ZNF85: variants seen among roughly 807,000 people sequenced by gnomAD.
ZNF85 encodes the protein zinc finger protein 85.
A neutral mutation model predicts 53.9 loss-of-function variants in ZNF85; 50 were observed. The ratio of observed to expected loss-of-function variants is 0.93; its 90% confidence interval spans 0.74 to 1.17. The LOEUF is 1.17. ZNF85 is among the 50% of genes most tolerant of loss of function. The pLI, the probability that ZNF85 is intolerant of heterozygous loss-of-function variation, is 0.00. For synonymous variants in ZNF85, 225 were observed against 226.1 expected (o/e 1.00, Z 0.04); for missense variants, 747 against 688.5 (o/e 1.08, Z -0.95).
In ZNF85 at chr19:20,948,652, A is replaced by G. The variant is rs988033594; in HGVS notation, c.230-92A>G. ...GTATTTTGCTGTGCCATCTTACTTA[A>G]TGTAGTTTGTTTAATTTTATATATT... is the stretch of plus-strand genomic sequence containing the variant. On this transcript the variant is annotated intron_variant, in intron 3 of 3. Coordinates refer to ENST00000328178, the MANE Select transcript of ZNF85 (RefSeq NM_003429.5). The G allele has an allele frequency of 9.3e-6, 9 of 970,518 alleles. No homozygotes were observed. The African/African-American group carries it at 1.5e-4, about 16-fold the overall frequency. The allele number at this position is 970,518 out of a possible 1,614,324, so 60.1% of individuals were successfully genotyped here.
rs571163632 is a variant in ZNF85 at position 20,934,260 on chromosome 19, C to T, written c.130+110C>T. Reference sequence around the variant, plus strand: ...TGCTTTGCATAAATTAGTTTCAGATCCCTGTTTTCAAGAAAATCTTGGGGA... The same window carrying T: ...TGCTTTGCATAAATTAGTTTCAGATTCCTGTTTTCAAGAAAATCTTGGGGA... On this transcript the variant is annotated intron_variant, in intron 2 of 3. Transcript: ENST00000328178. The T allele has an allele frequency of 1.4e-4, 194 of 1,395,172 alleles. 2 individuals are homozygous for T. The South Asian group carries it at 2.5e-3, about 18-fold the overall frequency. 86.4% of individuals were successfully genotyped at this position (1,395,172 alleles called of 1,614,324 possible).
intron 3 of ZNF85, among the ~76,000 whole-genome samples, chr19:20,939,724 C>A (rs1430600011): frequency 6.6e-6 from 1 of 151,986 alleles, no homozygotes; most frequent in Non-Finnish European, 1.5e-5. Context: ...GTGTGCTTAT[C>A]TATAAATATG....
chr19:20,944,152 T>TAG (rs142844272), intron 3 of ZNF85: 35 of 159,218 alleles, frequency 2.2e-4, no homozygotes, highest in African/African-American at 7.9e-4. Flanking sequence ...ATATATTTAA[T>TAG]AGTTTTTTAT....
rs754566671 is a variant in ZNF85, at chr19:20,949,341, A to G, written c.827A>G (p.His276Arg). Residue 276 changes from histidine to arginine, a missense_variant, in exon 4 of 4, where the codon CAT (histidine) becomes CGT (arginine). His to Arg is a conservative substitution (Grantham distance 29, BLOSUM62 0). Transcript: ENST00000328178. Reference protein sequence around the residue: ...TFNRFSTLTTHKIIHTGEKPY... With the variant: ...TFNRFSTLTTRKIIHTGEKPY... ...AACCGATTCTCAACTCTTACTACCC[A>G]TAAGATAATTCATACTGGAGAGAAA... 6 of 1,609,162 alleles carry G rather than the reference A, an allele frequency of 3.7e-6. No homozygotes were observed. The highest frequency in any genetic ancestry group is 1.1e-5 in the South Asian group (1 of 90,656).
At chr19:20,943,651 T>C (rs1022598855) in intron 3 of ZNF85, 1 of 152,344 alleles carries the variant, frequency 6.6e-6, no homozygotes, top group Admixed American at 6.5e-5. Flanking sequence ...TTCTTATTGA[T>C]CTTTTGTCTG....
intron 3 of ZNF85, among the ~76,000 whole-genome samples, chr19:20,940,080 A>G (rs1356798827): frequency 1.1e-4 from 17 of 151,236 alleles, no homozygotes. Flanking sequence ...GCGTTTAATA[A>G]TGAATATCTA....
At position 20,923,339 on chromosome 19, in the gene ZNF85, T is replaced by C. The variant is rs1972800043; in HGVS notation, c.-62T>C. 4 of 1,612,880 alleles carry C rather than the reference T, an allele frequency of 2.5e-6. No homozygotes were observed. Among genetic ancestry groups the C allele is most frequent in the Non-Finnish European group, 3.4e-6 (4 of 1,179,210 alleles). ...CGTGGACGCCCAGCCTCTGTGGCCC[T>C]GTGGCCTGCAGGTATTGGGAGATCC... On this transcript the variant is annotated 5_prime_UTR_variant, in exon 1 of 4. Coordinates refer to ENST00000328178, the MANE Select transcript of ZNF85 (RefSeq NM_003429.5).
At chr19:20,924,683 T>C (rs11085403) in intron 1 of ZNF85, among the ~76,000 whole-genome samples, 18,396 of 152,256 alleles carry the variant, frequency 0.12, 1,287 homozygotes, top group Middle Eastern at 0.17. Flanking sequence ...TTATTGTACA[T>C]TTTATATTTC....
chr19:20,948,783 A>G lies in ZNF85; in HGVS notation c.269A>G (p.Gln90Arg), dbSNP rs1973483392. 1 of 1,599,172 alleles carries G rather than the reference A, an allele frequency of 6.3e-7. No homozygotes were observed. Among genetic ancestry groups the G allele is most frequent in the African/African-American group, 1.3e-5 (1 of 74,286 alleles). The change falls in exon 4 of 4, where the codon CAG becomes CGG. Residue 90 changes from glutamine to arginine, a missense_variant. Coordinates refer to ENST00000328178, the MANE Select transcript of ZNF85 (RefSeq NM_003429.5). ...SHFAQDLWPE[Q>R]NIKDSFQKVT... is the part of the protein sequence containing the mutation. ...TTTGCCCAAGACCTTTGGCCGGAGC[A>G]GAATATAAAAGATTCTTTCCAAAAA...
intron 3 of ZNF85, 53 bp from the exon 4 acceptor site, chr19:20,948,691 A>G (rs1459435876): frequency 1.5e-6 from 2 of 1,321,108 alleles, no homozygotes; most frequent in Admixed American, 4.7e-5. Flanking sequence ...TTTGTAAACT[A>G]TCTTCATCTA....
intron 1 of ZNF85, among the ~76,000 whole-genome samples, chr19:20,933,033 A>C (rs1973062014): frequency 6.6e-6 from 1 of 151,422 alleles, no homozygotes; most frequent in Non-Finnish European, 1.5e-5. Context: ...AAAATACAAA[A>C]AAAAAAAAAA....
intron 3 of ZNF85, chr19:20,942,710 T>C (rs1322768345): frequency 1.6e-6 from 1 of 608,378 alleles, no homozygotes; most frequent in Non-Finnish European, 3.0e-6. Flanking sequence ...TAATTCCTAG[T>C]TGCATTCAGT....
intron 3 of ZNF85, among the ~76,000 whole-genome samples, chr19:20,935,318 C>A (rs774149287): frequency 6.6e-6 from 1 of 152,164 alleles, no homozygotes; most frequent in Non-Finnish European, 1.5e-5. Flanking sequence ...TAAGAGACTG[C>A]GCAGTCTGGC....
chr19:20,938,925 C>T (rs1973229039), intron 3 of ZNF85, among the ~76,000 whole-genome samples: 3 of 151,386 alleles, frequency 2.0e-5, no homozygotes, highest in South Asian at 4.2e-4. Context: ...CAGTTTAAGG[C>T]TATTTGCTTC....
chr19:20,947,091 C>G (rs1201782405), intron 3 of ZNF85, among the ~76,000 whole-genome samples: 2 of 151,628 alleles, frequency 1.3e-5, no homozygotes, highest in East Asian at 3.9e-4. Context: ...TTTTATATCT[C>G]TATACAGATT....
At chr19:20,942,332 C>T (rs535145716) in intron 3 of ZNF85, among the ~76,000 whole-genome samples, 5 of 151,908 alleles carry the variant, frequency 3.3e-5, no homozygotes, top group South Asian at 4.2e-4. Flanking sequence ...TTGGTAGAGA[C>T]GGGGTTTCAG....
At position 20,944,813 on chromosome 19, in the gene ZNF85, G is replaced by A. The variant is rs150754498; in HGVS notation, c.230-3931G>A. 7.8e-3 allele frequency among the ~76,000 whole-genome samples: 1,183 copies of A among 152,056 alleles called. 17 individuals carry two copies. Among genetic ancestry groups the A allele is most frequent in the South Asian group, 0.033 (157 of 4,822 alleles). On this transcript the variant is annotated intron_variant, in intron 3 of 3. Transcript: ENST00000328178. ...ATGTTTTAGTTTATATTATAATTGT[G>A]TATGAAAATATTTAACTCTGCAATT...
At chr19:20,946,300 G>T (rs1001990566) in intron 3 of ZNF85, 10 of 407,492 alleles carry the variant, frequency 2.5e-5, no homozygotes, top group African/African-American at 1.5e-4. Flanking sequence ...GTCCTAACAG[G>T]TTGTCTATCA....
At chr19:20,942,427 C>A (rs1280236895) in intron 3 of ZNF85, among the ~76,000 whole-genome samples, 2 of 152,118 alleles carry the variant, frequency 1.3e-5, no homozygotes, top group Non-Finnish European at 2.9e-5. Flanking sequence ...CAGACGTGAG[C>A]CACCTTGCTG....
Sources: allele counts gnomAD v4.1 joint callset (sites outside exome capture counted in the v4.1 genomes callset), GRCh38; gene constraint gnomAD v4.1.1; transcripts MANE v1.5; gene names NCBI Gene and HGNC (gene_info 2026-07-23, HGNC 2026-07-21).